PER2: variants seen among roughly 807,000 people sequenced by gnomAD.
The protein encoded by PER2 is period circadian protein homolog 2.
PER2 carries 66 observed loss-of-function variants against 121.0 expected under a neutral mutation model. The observed-to-expected ratio is 0.55, with a 90% confidence interval of 0.45 to 0.67. The LOEUF (loss-of-function observed/expected upper bound fraction) is 0.67. PER2 is among the 30% of genes least tolerant of loss of function. The pLI is 0.00. For missense variants in PER2, 1,521 were observed against 1,635.0 expected, an observed-to-expected ratio of 0.93 and a Z score of 1.20; for synonymous variants, 684 against 659.9, an observed-to-expected ratio of 1.04 and a Z score of -0.56.
At chr2:238,256,712 C>T (rs1695772965) in intron 17 of PER2, among the ~76,000 whole-genome samples, 1 of 152,224 alleles carries the variant, frequency 6.6e-6, no homozygotes, top group African/African-American at 2.4e-5. Flanking sequence ...CTGGAGGGCA[C>T]CACAGGGCAG....
rs969256692 is a variant in PER2 at position 238,252,589 on chromosome 2, G to C, written c.3111+323C>G. On this transcript the variant is annotated intron_variant, in intron 19 of 22. Coordinates refer to ENST00000254657, the MANE Select transcript of PER2 (RefSeq NM_022817.3). The surrounding 1 kb of genome is among the most constrained non-coding windows in gnomAD (Gnocchi z 4.2). ...GAGCCCTAGCTCTGGTATTTAACCT[G>C]ACTGTGCTTTATCTCTGAAGCGTCA... is the stretch of plus-strand genomic sequence containing the variant. Among the ~76,000 whole-genome samples, 1 of 152,208 alleles carries C rather than the reference G, an allele frequency of 6.6e-6. No homozygotes were observed. Among genetic ancestry groups the C allele is most frequent in the East Asian group, 1.9e-4 (1 of 5,194 alleles).
rs753996799 is a variant in PER2 at position 238,268,856 on chromosome 2, C to T, written c.824+67G>A. The T allele has an allele frequency of 4.6e-5, 55 of 1,190,740 alleles. No homozygotes were observed. The highest frequency in any genetic ancestry group is 6.1e-5 in the South Asian group (5 of 82,200). The allele number at this position is 1,190,740 out of a possible 1,614,324, so 73.8% of individuals were successfully genotyped here. On this transcript the variant is annotated intron_variant, in intron 7 of 22. Transcript: ENST00000254657. This position sits in a 1 kb window ranked among gnomAD's most constrained non-coding sequence, Gnocchi z 4.0. ...AGGGATCACGCCCCCCAGCCTCAAG[C>T]GGAGCAGTGCTGGGGTGAAATGTTT...
upstream of PER2, among the ~76,000 whole-genome samples, chr2:238,294,894 C>T (rs1365947809): frequency 6.6e-5 from 10 of 152,220 alleles, no homozygotes; most frequent in African/African-American, 1.9e-4. Context: ...GTGCTCCCTG[C>T]GTTCCATTAA....
chr2:238,264,939 C>T lies in PER2; in HGVS notation c.1046+573G>A, dbSNP rs116561261. On this transcript the variant is annotated intron_variant, in intron 9 of 22. Transcript: ENST00000254657. Reference sequence around the variant, plus strand: ...ATAAGTGTGAGCCACTGCACCTAGCCGGCCCAAGTGTTTTTGGAGTCTTCA... The same window carrying T: ...ATAAGTGTGAGCCACTGCACCTAGCTGGCCCAAGTGTTTTTGGAGTCTTCA... Among the ~76,000 whole-genome samples, 353 of 152,320 alleles carry T rather than the reference C, an allele frequency of 2.3e-3. 3 individuals carry two copies. The highest frequency in any genetic ancestry group is 7.3e-3 in the African/African-American group (302 of 41,568).
intron 12 of PER2, 92 bp downstream of exon 12, chr2:238,261,637 G>A (rs1281209267): frequency 1.3e-6 from 1 of 784,156 alleles, no homozygotes. Context: ...TGTCTGAGTG[G>A]GTGTGCCAGG....
chr2:238,269,968 G>C (rs1270630816), intron 6 of PER2, among the ~76,000 whole-genome samples: 2 of 152,236 alleles, frequency 1.3e-5, no homozygotes, highest in Non-Finnish European at 2.9e-5. Flanking sequence ...CTCTGAAGCC[G>C]GTGTGCCAGT....
intron 18 of PER2, chr2:238,255,318 C>G: frequency 2.5e-6 from 1 of 406,002 alleles, no homozygotes; most frequent in Non-Finnish European, 4.6e-6. Context: ...AGGTTGAATT[C>G]GCTGATTCTC....
chr2:238,255,310 G>A (rs1353834406), intron 18 of PER2: 3 of 394,340 alleles, frequency 7.6e-6, no homozygotes, highest in African/African-American at 6.2e-5. Context: ...CTATCTTGAG[G>A]TTGAATTCGC....
chr2:238,285,186 A>T (rs1370004352), intron 1 of PER2, among the ~76,000 whole-genome samples: 1 of 152,264 alleles, frequency 6.6e-6, no homozygotes, highest in South Asian at 2.1e-4. Context: ...CCCTAAGAAC[A>T]GTCAGACTCA....
chr2:238,281,790 T>G (rs1696639747), intron 1 of PER2, among the ~76,000 whole-genome samples: 1 of 152,202 alleles, frequency 6.6e-6, no homozygotes, highest in Non-Finnish European at 1.5e-5. Context: ...ATAGGGTATT[T>G]CTGGAGAGAA....
At chr2:238,288,941 C>T (rs1245694649), upstream of PER2, among the ~76,000 whole-genome samples, 1 of 152,214 alleles carries the variant, frequency 6.6e-6, no homozygotes, top group African/African-American at 2.4e-5. Flanking sequence ...TTACATAAGA[C>T]GCACATGGAA....
chr2:238,246,153 T>A lies in PER2; in HGVS notation c.*222A>T. Reference sequence around the variant, plus strand: ...CTTCCCCATCCCACAAAACTCCACATATATATTTTATATATAAAAACATAT... The same window carrying A: ...CTTCCCCATCCCACAAAACTCCACAAATATATTTTATATATAAAAACATAT... On this transcript the variant is annotated 3_prime_UTR_variant, in exon 23 of 23. Transcript: ENST00000254657. 3.4e-6 allele frequency: 1 copy of A among 293,738 alleles called. No individual in the cohort carries two copies. The highest frequency in any genetic ancestry group is 6.2e-6 in the Non-Finnish European group (1 of 161,022). The allele number at this position is 293,738 out of a possible 1,614,324, so 18.2% of individuals were successfully genotyped here.
chr2:238,267,141 A>G (rs1489860605), intron 8 of PER2, among the ~76,000 whole-genome samples: 1 of 151,960 alleles, frequency 6.6e-6, no homozygotes, highest in East Asian at 1.9e-4. Flanking sequence ...CGGGTTCAGC[A>G]GTTGCAGAAT....
rs899800837 is a variant in PER2 at position 238,268,778 on chromosome 2, T to A, written c.824+145A>T. 1 of 694,260 alleles carries A rather than the reference T, an allele frequency of 1.4e-6. No individual in the cohort carries two copies. Among genetic ancestry groups the A allele is most frequent in the African/African-American group, 1.8e-5 (1 of 55,522 alleles). The allele number at this position is 694,260 out of a possible 1,614,324, so 43.0% of individuals were successfully genotyped here. On this transcript the variant is annotated intron_variant, in intron 7 of 22. Transcript: ENST00000254657. This position sits in a 1 kb window ranked among gnomAD's most constrained non-coding sequence, Gnocchi z 4.0. ...GACCTGTACACATTTAAAATGTAAC[T>A]GACTGTGTTTTCTGGTAGACTTCAG...
intron 14 of PER2, among the ~76,000 whole-genome samples, chr2:238,259,200 C>T (rs997702035): frequency 1.3e-5 from 2 of 152,228 alleles, no homozygotes; most frequent in African/African-American, 4.8e-5. Context: ...AGCATGTCCA[C>T]CAACACATCC....
At chr2:238,295,244 T>C in the PER2 span, 2 of 152,212 alleles carry the variant, frequency 1.3e-5, no homozygotes, top group African/African-American at 4.8e-5. Context: ...TCTTTCTTGT[T>C]CTTCTTCTCC....
At position 238,263,055 on chromosome 2, in the gene PER2, C is replaced by A. The variant is rs759240742; in HGVS notation, c.1050G>T (p.Ala350=). The A allele has an allele frequency of 1.2e-6, 2 of 1,604,874 alleles. No homozygotes were observed. The highest frequency in any genetic ancestry group is 1.7e-6 in the Non-Finnish European group (2 of 1,171,828). ...NCLFQDVDER[A]VPLLGYLPQD... is the part of the protein sequence containing the mutation. ...GAGGTAGGTAGCCCAGGAGAGGGACCGCCCTGGAAGGCAAGCAGACACACG... is the reference window on the plus strand; with the variant it reads ...GAGGTAGGTAGCCCAGGAGAGGGACAGCCCTGGAAGGCAAGCAGACACACG... The change falls in exon 10 of 23, where the codon GCG becomes GCT. Residue 350 remains alanine (A), a synonymous_variant. Coordinates refer to ENST00000254657, the MANE Select transcript of PER2 (RefSeq NM_022817.3).
chr2:238,246,703 C>T (rs1437848400), intron 22 of PER2, among the ~76,000 whole-genome samples, 179 bp from the exon 23 acceptor site: 1 of 152,150 alleles, frequency 6.6e-6, no homozygotes, highest in East Asian at 1.9e-4. Flanking sequence ...GGTGAAATCC[C>T]ATCTCTACTA....
chr2:238,256,852 A>G, intron 17 of PER2, 70 bp downstream of exon 17: 1 of 1,509,274 alleles, frequency 6.6e-7, no homozygotes, highest in Non-Finnish European at 9.1e-7. Context: ...GAAAAATTTA[A>G]GATGGCAAAC....
Sources: gnomAD v4.1 joint callset for allele counts (sites outside exome capture counted in the v4.1 genomes callset) on GRCh38, gnomAD v4.1.1 for gene constraint, Gnocchi (gnomAD v3.1) non-coding constraint, MANE v1.5 for transcripts, NCBI Gene and HGNC (gene_info 2026-07-23, HGNC 2026-07-21) for gene names.